Variants in BTBD2 observed in about 807,000 individuals in gnomAD.
The protein encoded by BTBD2 is BTB domain containing 2.
A neutral mutation model predicts 44.0 loss-of-function variants in BTBD2; 15 were observed. The observed-to-expected ratio is 0.34, with a 90% CI of 0.23 to 0.53. BTBD2 has a LOEUF of 0.53. BTBD2 is among the 20% of genes least tolerant of loss of function. The probability of loss-of-function intolerance (pLI) is 0.95; values close to 1 mark genes in which losing one functional copy is unlikely to be tolerated. For synonymous variants in BTBD2, 443 were observed against 335.9 expected (o/e 1.32, Z -3.49); for missense variants, 657 against 746.4 (o/e 0.88, Z 1.39).
intron 2 of BTBD2, among the ~76,000 whole-genome samples, chr19:1,995,985 T>C (rs111376419): frequency 2.6e-5 from 4 of 152,268 alleles, no homozygotes; most frequent in African/African-American, 7.2e-5. Flanking sequence ...TTAATTTTTA[T>C]ATACAGTAAG....
At chr19:2,000,259 GC>G (rs2016312379) in intron 1 of BTBD2, among the ~76,000 whole-genome samples, 1 of 151,262 alleles carries the variant, frequency 6.6e-6, no homozygotes, top group African/African-American at 2.5e-5. Flanking sequence ...GTCCTCAAGG[GC>G]CCAGGCCTCA....
At position 1,986,288 on chromosome 19, in the gene BTBD2, G is replaced by A. The variant is rs1028107898; in HGVS notation, c.*200C>T. On this transcript the variant is annotated 3_prime_UTR_variant, in exon 9 of 9. Transcript: ENST00000255608. The stretch of plus-strand genomic sequence containing the variant: ...TGGCCACTGGCCTGGCCACCTCCCC[G>A]GCTGCCCTGATCCAGCAGCCACACT... 56 of 647,750 alleles carry A rather than the reference G, an allele frequency of 8.6e-5. No homozygotes were observed. The highest frequency in any genetic ancestry group is 6.5e-4 in the South Asian group (34 of 52,150). The allele number at this position is 647,750 out of a possible 1,614,324, so 40.1% of individuals were successfully genotyped here. A position where few individuals can be genotyped will look rare whatever the true frequency, so the allele number is the denominator to read the frequency against.
At chr19:1,993,210 AC>A (rs1568216479) in intron 2 of BTBD2, 34 bp from the exon 3 acceptor site, 1 of 1,576,682 alleles carries the variant, frequency 6.3e-7, no homozygotes, top group East Asian at 2.3e-5. Context: ...GTGAGGTGGG[AC>A]CGCCATGCCC....
intron 2 of BTBD2, 51 bp downstream of exon 2, chr19:1,997,293 G>A (rs1179955221): frequency 6.2e-7 from 1 of 1,611,312 alleles, no homozygotes; most frequent in Admixed American, 1.7e-5. Flanking sequence ...GTTCTCTGAG[G>A]TCCCCCTCCC....
intron 7 of BTBD2, 25 bp downstream of exon 7, chr19:1,987,141 T>G: frequency 6.2e-7 from 1 of 1,610,976 alleles, no homozygotes; most frequent in South Asian, 1.1e-5. Context: ...GAGTGGGGCC[T>G]GGGGATGAGG....
At chr19:2,004,063 T>TCAATG (rs1001047967) in intron 1 of BTBD2, among the ~76,000 whole-genome samples, 2 of 151,604 alleles carry the variant, frequency 1.3e-5, no homozygotes, top group Admixed American at 6.6e-5. Context: ...CATCAGAAAC[T>TCAATG]CAATGCAATG....
At position 2,015,525 on chromosome 19, in the gene BTBD2, G is replaced by A. The variant is rs1299631662; in HGVS notation, c.179C>T (p.Pro60Leu). The part of the protein sequence containing the change: ...AAAAAPGPTP[P>L]APPGPGTDAQ... Reference sequence around the variant, plus strand: ...GTCTGTCCCGGGGCCCGGCGGGGCGGGCGGCGTCGGCCCAGGGGCGGCGGC... The same window carrying A: ...GTCTGTCCCGGGGCCCGGCGGGGCGAGCGGCGTCGGCCCAGGGGCGGCGGC... Residue 60 changes from proline (P) to leucine (L), a missense_variant, in exon 1 of 9, where the codon CCC becomes CTC. Coordinates refer to ENST00000255608, the MANE Select transcript of BTBD2 (RefSeq NM_017797.4). 2 of 963,374 alleles carry A rather than the reference G, an allele frequency of 2.1e-6. No individual in the cohort carries two copies. Among genetic ancestry groups the A allele is most frequent in the East Asian group, 2.6e-4 (2 of 7,740 alleles). 59.7% of individuals were successfully genotyped at this position (963,374 alleles called of 1,614,324 possible).
At chr19:2,004,439 A>G (rs551951553) in intron 1 of BTBD2, among the ~76,000 whole-genome samples, 11 of 151,932 alleles carry the variant, frequency 7.2e-5, no homozygotes, top group Non-Finnish European at 1.0e-4. Context: ...CTGGGATTAC[A>G]GGCATGCATC....
chr19:1,992,850 G>A (rs2016198018), intron 3 of BTBD2, among the ~76,000 whole-genome samples, 170 bp downstream of exon 3: 1 of 152,198 alleles, frequency 6.6e-6, no homozygotes, highest in Non-Finnish European at 1.5e-5. Flanking sequence ...GGGATTACAG[G>A]CGTGAGCAAC....
intron 2 of BTBD2, 66 bp from the exon 3 acceptor site, chr19:1,993,242 G>T: frequency 6.5e-7 from 1 of 1,536,604 alleles, no homozygotes. Context: ...GAGAGCGTCA[G>T]GGGACCACTC....
chr19:1,998,437 G>A (rs1317566189), intron 1 of BTBD2, among the ~76,000 whole-genome samples: 2 of 152,336 alleles, frequency 1.3e-5, no homozygotes, highest in Middle Eastern at 3.4e-3. Flanking sequence ...TGGGAGGAGC[G>A]TTAGGAGGCA....
chr19:1,990,382 T>C lies in BTBD2; in HGVS notation c.791-181A>G, dbSNP rs2016158184. 4.4e-6 allele frequency: 3 copies of C among 677,294 alleles called. No individual in the cohort carries two copies. In the South Asian group the frequency reaches 5.7e-5, roughly 13 times the overall value. 42.0% of individuals were successfully genotyped at this position (677,294 alleles called of 1,614,324 possible). A position where few individuals can be genotyped will look rare whatever the true frequency, so the allele number is the denominator to read the frequency against. The stretch of plus-strand genomic sequence containing the variant: ...CTTTATCAACACAAGACCACGCCCC[T>C]TCATTTTCCTCGGCTGTGGTTGTTT... On this transcript the variant is annotated intron_variant, in intron 4 of 8. Coordinates refer to ENST00000255608, the MANE Select transcript of BTBD2 (RefSeq NM_017797.4).
intron 1 of BTBD2, among the ~76,000 whole-genome samples, chr19:2,005,696 C>T (rs957080077): frequency 6.0e-5 from 9 of 151,212 alleles, no homozygotes; most frequent in African/African-American, 2.2e-4. Context: ...ACAGGAGAAT[C>T]GCTTGAACCT....
At chr19:1,987,004 C>T in intron 7 of BTBD2, 28 bp from the exon 8 acceptor site, 2 of 1,604,572 alleles carry the variant, frequency 1.2e-6, no homozygotes, top group East Asian at 2.2e-5. Context: ...GTGGGAGGCT[C>T]AGGCCTGGGG....
chr19:2,011,031 C>T (rs1288893343), intron 1 of BTBD2, among the ~76,000 whole-genome samples: 1 of 152,132 alleles, frequency 6.6e-6, no homozygotes, highest in Non-Finnish European at 1.5e-5. Flanking sequence ...ACAGATGTGT[C>T]TGAGTGACCT....
At chr19:1,998,604 G>A (rs1345575406) in intron 1 of BTBD2, among the ~76,000 whole-genome samples, 2 of 152,190 alleles carry the variant, frequency 1.3e-5, no homozygotes, top group African/African-American at 2.4e-5. Flanking sequence ...GGCTGCTGGT[G>A]CCTCCCCAAG....
rs564603379 is a variant in BTBD2, at chr19:1,990,922, C to T, written c.685-100G>A. The T allele has an allele frequency of 3.2e-5, 36 of 1,110,088 alleles. No homozygotes were observed. The African/African-American group carries it at 4.3e-4, about 13-fold the overall frequency. The allele number at this position is 1,110,088 out of a possible 1,614,324, so 68.8% of individuals were successfully genotyped here. A position where few individuals can be genotyped will look rare whatever the true frequency, so the allele number is the denominator to read the frequency against. On this transcript the variant is annotated intron_variant, in intron 3 of 8. Coordinates refer to ENST00000255608, the MANE Select transcript of BTBD2 (RefSeq NM_017797.4). ...CGGTTCAAATGCAGCCCTGACCACA[C>T]GGGCCTTCCTGAGCGTGGCCAGGAG...
chr19:1,986,379 TGG>T lies in BTBD2; in HGVS notation c.*107_*108del. ...GGTGGCATGGAGTGGACAGACGGCC[TGG>T]GGGACACTGGGCCTGGCACCGCGTG... On this transcript the variant is annotated 3_prime_UTR_variant, in exon 9 of 9. Transcript: ENST00000255608. 7.3e-7 allele frequency: 1 copy of T among 1,369,282 alleles called. No homozygotes were observed. The highest frequency in any genetic ancestry group is 1.0e-6 in the Non-Finnish European group (1 of 978,694). The allele number at this position is 1,369,282 out of a possible 1,614,324, so 84.8% of individuals were successfully genotyped here. A position where few individuals can be genotyped will look rare whatever the true frequency, so the allele number is the denominator to read the frequency against.
intron 5 of BTBD2, among the ~76,000 whole-genome samples, chr19:1,988,770 A>G (rs12981078): frequency 0.18 from 26,726 of 151,914 alleles, 3,208 homozygotes; most frequent in African/African-American, 0.34. Flanking sequence ...TGCCCAGCTA[A>G]TCTTGTATTT....
Sources: gnomAD v4.1 joint callset for allele counts (sites outside exome capture counted in the v4.1 genomes callset) on GRCh38, gnomAD v4.1.1 for gene constraint, MANE v1.5 for transcripts, NCBI Gene and HGNC (gene_info 2026-07-23, HGNC 2026-07-21) for gene names.